MAJIN: variants seen among roughly 807,000 people sequenced by gnomAD.
MAJIN encodes the protein membrane anchored junction protein, also known as membrane-anchored junction protein.
Under a neutral mutation model 30.2 loss-of-function variants are expected in MAJIN, and 27 were observed. The ratio of observed to expected loss-of-function variants is 0.89; its 90% CI spans 0.66 to 1.23. The LOEUF (loss-of-function observed/expected upper bound fraction) is 1.23, where lower values mean the gene tolerates loss of function less well. Ranked by LOEUF, MAJIN falls within the 50% of genes most tolerant of loss-of-function variation. The pLI is 0.00. For synonymous variants in MAJIN, 78 were observed against 91.6 expected (o/e 0.85, Z 0.85); for missense variants, 253 against 260.3 (o/e 0.97, Z 0.19).
At chr11:64,955,089 C>T (rs752862824) in intron 3 of MAJIN, among the ~76,000 whole-genome samples, 12 of 152,184 alleles carry the variant, frequency 7.9e-5, no homozygotes, top group Non-Finnish European at 1.5e-4. Flanking sequence ...GGGACCCTTT[C>T]AATGGGTCTT....
chr11:64,954,211 T>C (rs1170780811), intron 4 of MAJIN: 1 of 190,978 alleles, frequency 5.2e-6, no homozygotes, highest in Non-Finnish European at 1.1e-5. Context: ...TCCTTGTCCA[T>C]TGCTTCCACC....
intron 1 of MAJIN, among the ~76,000 whole-genome samples, chr11:64,964,935 A>G (rs561638084): frequency 1.3e-5 from 2 of 152,152 alleles, no homozygotes; most frequent in African/African-American, 4.8e-5. Context: ...TTTTGGACAT[A>G]AAGGGTTACA....
intron 6 of MAJIN, among the ~76,000 whole-genome samples, chr11:64,948,625 A>G (rs1243074206): frequency 1.0e-4 from 4 of 39,822 alleles, no homozygotes; most frequent in African/African-American, 5.9e-4. Flanking sequence ...ATATATATAT[A>G]TATATATATA....
chr11:64,945,565 T>C (rs1945438950), intron 8 of MAJIN, among the ~76,000 whole-genome samples: 1 of 151,946 alleles, frequency 6.6e-6, no homozygotes, highest in African/African-American at 2.4e-5. Flanking sequence ...AGATGGAGTC[T>C]CACTCTGTTG....
intron 8 of MAJIN, among the ~76,000 whole-genome samples, chr11:64,941,894 C>G (rs1312958187): frequency 6.6e-6 from 1 of 152,028 alleles, no homozygotes; most frequent in Non-Finnish European, 1.5e-5. Context: ...GGGTACAGTG[C>G]CATTAAAGAA....
At chr11:64,947,048 A>C (rs1447846998) in intron 8 of MAJIN, among the ~76,000 whole-genome samples, 1 of 152,162 alleles carries the variant, frequency 6.6e-6, no homozygotes, top group Non-Finnish European at 1.5e-5. Flanking sequence ...ATATTCTGAG[A>C]CTTCATAAGT....
At chr11:64,967,085 C>T (rs1945823408) in intron 1 of MAJIN, among the ~76,000 whole-genome samples, 1 of 151,610 alleles carries the variant, frequency 6.6e-6, no homozygotes, top group African/African-American at 2.4e-5. Flanking sequence ...GCCCGGGCAA[C>T]ACAGTGAGCC....
intron 4 of MAJIN, among the ~76,000 whole-genome samples, chr11:64,953,345 G>C (rs1196854892): frequency 6.6e-6 from 1 of 152,158 alleles, no homozygotes; most frequent in Non-Finnish European, 1.5e-5. Flanking sequence ...ATTATAATTA[G>C]AAGCTAGACA....
chr11:64,952,133 C>T (rs1446032583), intron 4 of MAJIN, among the ~76,000 whole-genome samples: 1 of 152,034 alleles, frequency 6.6e-6, no homozygotes, highest in Admixed American at 6.6e-5. Context: ...AGGCAATCTG[C>T]CCACCTTGGC....
chr11:64,949,312 A>T (rs548159665), intron 6 of MAJIN, among the ~76,000 whole-genome samples: 1 of 152,250 alleles, frequency 6.6e-6, no homozygotes, highest in South Asian at 2.1e-4. Flanking sequence ...CCTGGGTGAC[A>T]GAGTGAGACC....
intron 1 of MAJIN, among the ~76,000 whole-genome samples, chr11:64,966,898 C>T (rs962813199): frequency 4.1e-5 from 6 of 146,414 alleles, no homozygotes; most frequent in Non-Finnish European, 8.9e-5. Context: ...CACACCATTG[C>T]ACTCCAGCCT....
At chr11:64,968,009 A>C (rs999513833) in intron 1 of MAJIN, among the ~76,000 whole-genome samples, 3 of 152,108 alleles carry the variant, frequency 2.0e-5, no homozygotes, top group Non-Finnish European at 4.4e-5. Flanking sequence ...CATGGAAAGG[A>C]GCAACGATCA....
At chr11:64,955,547 G>A (rs1339351842) in intron 3 of MAJIN, among the ~76,000 whole-genome samples, 1 of 152,128 alleles carries the variant, frequency 6.6e-6, no homozygotes, top group African/African-American at 2.4e-5. Context: ...GACAAACTAT[G>A]GTTGTTATTC....
At chr11:64,948,397 G>A (rs1409885801) in intron 6 of MAJIN, among the ~76,000 whole-genome samples, 1 of 151,280 alleles carries the variant, frequency 6.6e-6, no homozygotes, top group Non-Finnish European at 1.5e-5. Context: ...AATGAAAAGG[G>A]GAGATATTTT....
chr11:64,956,039 G>A (rs1355816331), intron 3 of MAJIN, among the ~76,000 whole-genome samples: 13 of 152,168 alleles, frequency 8.5e-5, no homozygotes, highest in African/African-American at 1.7e-4. Context: ...GGTGGCTTAC[G>A]CCTGTAATCC....
At chr11:64,941,056 T>G (rs1158415629) in intron 8 of MAJIN, among the ~76,000 whole-genome samples, 2 of 151,892 alleles carry the variant, frequency 1.3e-5, no homozygotes, top group African/African-American at 4.8e-5. Context: ...GCCAGGATGG[T>G]CTCGATCTCC....
chr11:64,952,564 CG>C (rs1176450847), intron 4 of MAJIN, among the ~76,000 whole-genome samples: 3 of 152,096 alleles, frequency 2.0e-5, no homozygotes, highest in African/African-American at 7.2e-5. Context: ...ATTTTACAGA[CG>C]GGGAAACAGA....
At chr11:64,942,920 G>A (rs530545013) in intron 8 of MAJIN, among the ~76,000 whole-genome samples, 1 of 152,336 alleles carries the variant, frequency 6.6e-6, no homozygotes, top group Admixed American at 6.5e-5. Flanking sequence ...AGGAGGAACA[G>A]GAGGGCAAAG....
chr11:64,971,028 C>T (rs991466909), intron 1 of MAJIN, among the ~76,000 whole-genome samples: 2 of 152,172 alleles, frequency 1.3e-5, no homozygotes, highest in African/African-American at 4.8e-5. Flanking sequence ...GGCAAAGCGG[C>T]TCACACCTGT....
Sources: allele counts gnomAD v4.1 joint callset (sites outside exome capture counted in the v4.1 genomes callset), GRCh38; gene constraint gnomAD v4.1.1; transcripts MANE v1.5; gene names NCBI Gene and HGNC (gene_info 2026-07-23, HGNC 2026-07-21).